Variants in SEPTIN9 observed in about 807,000 individuals in gnomAD.
SEPTIN9 encodes the protein septin-9.
A neutral mutation model predicts 56.6 loss-of-function variants in SEPTIN9; 13 were observed. That is an observed-to-expected ratio of 0.23 (90% CI 0.15 to 0.37). The LOEUF (loss-of-function observed/expected upper bound fraction) is 0.37, where lower values mean the gene tolerates loss of function less well. SEPTIN9 is among the 10% of genes least tolerant of loss of function. The pLI, the probability that SEPTIN9 is intolerant of heterozygous loss-of-function variation, is 1.00. For synonymous variants in SEPTIN9, 332 were observed against 334.1 expected (o/e 0.99, Z 0.07); for missense variants, 650 against 823.1 (o/e 0.79, Z 2.57).
chr17:77,469,900 C>T (rs866116215), intron 3 of SEPTIN9, among the ~76,000 whole-genome samples: 6 of 150,278 alleles, frequency 4.0e-5, no homozygotes, highest in Middle Eastern at 3.4e-3. Flanking sequence ...TTCACTCATC[C>T]ACCCATCCAC....
At chr17:77,315,564 G>A (rs890697544) in intron 2 of SEPTIN9, among the ~76,000 whole-genome samples, 1 of 152,156 alleles carries the variant, frequency 6.6e-6, no homozygotes, top group East Asian at 1.9e-4. Flanking sequence ...GGGATTACAG[G>A]CATGAGCCAC....
chr17:77,394,421 C>T (rs2035638874), intron 2 of SEPTIN9, among the ~76,000 whole-genome samples: 2 of 152,268 alleles, frequency 1.3e-5, no homozygotes, highest in African/African-American at 4.8e-5. Flanking sequence ...TTCCCTGAGC[C>T]CTGACCCTGG....
Position 77,499,020 on chromosome 17 carries a change from G to A in SEPTIN9, c.*362G>A, listed in dbSNP as rs1178923498. The A allele has an allele frequency of 1.9e-6, 1 of 539,664 alleles. No homozygotes were observed. Among genetic ancestry groups the A allele is most frequent in the Non-Finnish European group, 3.6e-6 (1 of 278,870 alleles). 33.4% of individuals were successfully genotyped at this position (539,664 alleles called of 1,614,324 possible). On this transcript the variant is annotated 3_prime_UTR_variant, in exon 12 of 12. Coordinates refer to ENST00000427177, the MANE Select transcript of SEPTIN9 (RefSeq NM_001113491.2). ...TCAGTGCCGGAGGCCTTGGGGTGGG[G>A]GCCAGGCCTCGCACTTGCAGAGGAG...
At chr17:77,393,973 T>C (rs1174832759) in intron 2 of SEPTIN9, among the ~76,000 whole-genome samples, 3 of 152,260 alleles carry the variant, frequency 2.0e-5, no homozygotes, top group African/African-American at 7.2e-5. Flanking sequence ...TATGTCACTC[T>C]CCTGTTTGGT....
chr17:77,426,989 G>C (rs1197284013), intron 3 of SEPTIN9: 2 of 152,238 alleles, frequency 1.3e-5, no homozygotes, highest in East Asian at 1.9e-4. Flanking sequence ...GCAGACATTA[G>C]ATTAGAGGGC....
chr17:77,431,138 C>G (rs988043610), intron 3 of SEPTIN9, among the ~76,000 whole-genome samples: 1 of 152,150 alleles, frequency 6.6e-6, no homozygotes, highest in Non-Finnish European at 1.5e-5. Context: ...GCCAGGCGTT[C>G]GAGACCAGTC....
chr17:77,423,785 A>G (rs781732000), intron 3 of SEPTIN9, among the ~76,000 whole-genome samples: 1 of 152,178 alleles, frequency 6.6e-6, no homozygotes, highest in Non-Finnish European at 1.5e-5. Flanking sequence ...GAAAGGAGAG[A>G]GTGAGTAAGA....
chr17:77,461,112 C>A (rs2038453449), intron 3 of SEPTIN9, among the ~76,000 whole-genome samples: 1 of 151,930 alleles, frequency 6.6e-6, no homozygotes, highest in Non-Finnish European at 1.5e-5. Context: ...CGAGACCAGC[C>A]TGGCCAACAT....
chr17:77,410,959 C>G (rs2036273929), intron 3 of SEPTIN9, among the ~76,000 whole-genome samples: 1 of 152,056 alleles, frequency 6.6e-6, no homozygotes, highest in Non-Finnish European at 1.5e-5. Flanking sequence ...GTGGCGGGCA[C>G]CTGTAGTCCC....
At chr17:77,459,398 C>T (rs973196383) in intron 3 of SEPTIN9, among the ~76,000 whole-genome samples, 4 of 152,202 alleles carry the variant, frequency 2.6e-5, no homozygotes, top group African/African-American at 4.8e-5. Flanking sequence ...AATATCAAGG[C>T]GCTGAGATGC....
intron 3 of SEPTIN9, chr17:77,466,535 C>T (rs889114926): frequency 8.1e-6 from 8 of 985,358 alleles, no homozygotes; most frequent in Non-Finnish European, 9.6e-6. Context: ...GCATTTCTTC[C>T]AGGAGGTCAC....
chr17:77,406,592 A>G (rs1309291759), intron 3 of SEPTIN9, among the ~76,000 whole-genome samples: 1 of 151,940 alleles, frequency 6.6e-6, no homozygotes, highest in African/African-American at 2.4e-5. Flanking sequence ...GTTTTGCTGT[A>G]TAGTCTTCAA....
intron 2 of SEPTIN9, among the ~76,000 whole-genome samples, chr17:77,383,952 G>A (rs1185863384): frequency 6.6e-6 from 1 of 152,236 alleles, no homozygotes; most frequent in Non-Finnish European, 1.5e-5. Context: ...CATACACATT[G>A]ACTATTGCAG....
At chr17:77,463,297 T>C (rs2038566082) in intron 3 of SEPTIN9, among the ~76,000 whole-genome samples, 1 of 152,168 alleles carries the variant, frequency 6.6e-6, no homozygotes, top group Admixed American at 6.5e-5. Flanking sequence ...ACTGATCGGG[T>C]GAGGCCCACC....
In SEPTIN9 at chr17:77,401,361, C is replaced by T. The variant is rs373889194; in HGVS notation, c.77-698C>T. Among the ~76,000 whole-genome samples, 8 of 152,104 alleles carry T rather than the reference C, an allele frequency of 5.3e-5. No individual in the cohort carries two copies. The East Asian group carries it at 5.8e-4, about 11-fold the overall frequency. On this transcript the variant is annotated intron_variant, in intron 2 of 11. Transcript: ENST00000427177. ...CACTTATTATTGGAGGCATGTCCCC[C>T]GCTGTGGCTGATGGTAGAGGTGTGT...
At chr17:77,343,552 A>G (rs536331063) in intron 2 of SEPTIN9, among the ~76,000 whole-genome samples, 1 of 152,344 alleles carries the variant, frequency 6.6e-6, no homozygotes, top group South Asian at 2.1e-4. Context: ...CAAGCAAATT[A>G]TTGAACCTGA....
At chr17:77,283,822 GGC>G (rs1456907613) in intron 1 of SEPTIN9, among the ~76,000 whole-genome samples, 12 of 152,250 alleles carry the variant, frequency 7.9e-5, no homozygotes, top group Admixed American at 7.9e-4. Flanking sequence ...TTATGTGCTG[GGC>G]ACACATGGCC....
intron 2 of SEPTIN9, among the ~76,000 whole-genome samples, chr17:77,378,669 T>C (rs1282340594): frequency 1.3e-5 from 2 of 152,206 alleles, no homozygotes. Flanking sequence ...CAGACACTAG[T>C]GCCAGTAGCG....
At chr17:77,285,663 T>C (rs866884043) in intron 1 of SEPTIN9, among the ~76,000 whole-genome samples, 1 of 151,704 alleles carries the variant, frequency 6.6e-6, no homozygotes, top group Non-Finnish European at 1.5e-5. Flanking sequence ...CCTCCCAAAG[T>C]GCTGGGATCA....
Sources: gnomAD v4.1 joint callset for allele counts (sites outside exome capture counted in the v4.1 genomes callset) on GRCh38, gnomAD v4.1.1 for gene constraint, MANE v1.5 for transcripts, NCBI Gene and HGNC (gene_info 2026-07-23, HGNC 2026-07-21) for gene names.